Variants in WDR41 observed in about 807,000 individuals in gnomAD.
WDR41 encodes the protein WD repeat domain 41, also known as WD repeat-containing protein 41.
A neutral mutation model predicts 69.3 loss-of-function variants in WDR41; 63 were observed. The ratio of observed to expected loss-of-function variants is 0.91; its 90% confidence interval spans 0.74 to 1.12. The LOEUF is 1.12. Ranked by LOEUF, WDR41 falls within the 50% of genes most tolerant of loss-of-function variation. The pLI is 0.00. For missense variants in WDR41, 543 were observed against 534.5 expected (o/e 1.02, Z -0.16); for synonymous variants, 185 against 192.1 (o/e 0.96, Z 0.31).
chr5:77,501,140 A>G lies in WDR41; in HGVS notation c.43-11568T>C, dbSNP rs180725499. The stretch of plus-strand genomic sequence containing the variant: ...TCCTAGCCAAGGGAAGCCGTGACAG[A>G]CTGTACCTGGAAAAACAGGACACTT... On this transcript the variant is annotated intron_variant, in intron 1 of 5. Transcript: ENST00000509971. Among the ~76,000 whole-genome samples, 425 of 152,374 alleles carry G rather than the reference A, an allele frequency of 2.8e-3. 4 individuals are homozygous for G. The highest frequency in any genetic ancestry group is 1.0e-2 in the African/African-American group (415 of 41,592).
chr5:77,517,045 AAAAAT>A (rs1802301236), intron 1 of WDR41, among the ~76,000 whole-genome samples: 1 of 152,022 alleles, frequency 6.6e-6, no homozygotes, highest in Non-Finnish European at 1.5e-5. Context: ...AAGAAAAAGA[AAAAAT>A]AAAATAAAAG....
intron 1 of WDR41, among the ~76,000 whole-genome samples, chr5:77,600,009 C>T (rs747658919): frequency 1.3e-5 from 2 of 152,246 alleles, no homozygotes; most frequent in East Asian, 1.9e-4. Flanking sequence ...CATTCTCTTG[C>T]GGATCATGGC....
chr5:77,457,391 T>C (rs1490989925), intron 5 of WDR41, among the ~76,000 whole-genome samples: 2 of 152,176 alleles, frequency 1.3e-5, no homozygotes, highest in East Asian at 1.9e-4. Flanking sequence ...GAAATATAAA[T>C]TTTAGTATAT....
intron 1 of WDR41, among the ~76,000 whole-genome samples, chr5:77,590,406 G>A (rs1455506623): frequency 2.0e-5 from 3 of 152,174 alleles, no homozygotes; most frequent in South Asian, 2.1e-4. Flanking sequence ...ACGCCCAGAA[G>A]GAGGGATACA....
chr5:77,574,505 G>A (rs1743793057), intron 1 of WDR41, among the ~76,000 whole-genome samples: 1 of 151,922 alleles, frequency 6.6e-6, no homozygotes, highest in South Asian at 2.1e-4. Context: ...CACTATGTAG[G>A]TTTTTTATGT....
chr5:77,489,341 A>G, intron 2 of WDR41, 116 bp downstream of exon 2: 1 of 532,882 alleles, frequency 1.9e-6, no homozygotes. Flanking sequence ...AATGTTACTA[A>G]TGATCACAGT....
intron 1 of WDR41, among the ~76,000 whole-genome samples, chr5:77,515,987 C>A (rs1172237194): frequency 6.6e-6 from 1 of 152,116 alleles, no homozygotes; most frequent in Non-Finnish European, 1.5e-5. Flanking sequence ...GTGCATGTAA[C>A]ATTTTAGTAT....
intron 1 of WDR41, among the ~76,000 whole-genome samples, chr5:77,497,862 A>G (rs1801957763): frequency 6.6e-6 from 1 of 152,258 alleles, no homozygotes; most frequent in African/African-American, 2.4e-5. Flanking sequence ...TCCACAGATG[A>G]ATGGATAAAT....
chr5:77,618,073 A>C (rs1406185991), intron 1 of WDR41, among the ~76,000 whole-genome samples: 2 of 152,236 alleles, frequency 1.3e-5, no homozygotes, highest in African/African-American at 4.8e-5. Context: ...AAAAGACTTA[A>C]CATTGTTCCA....
intron 1 of WDR41, among the ~76,000 whole-genome samples, chr5:77,580,971 A>T (rs1743929793): frequency 6.6e-6 from 1 of 151,706 alleles, no homozygotes; most frequent in African/African-American, 2.4e-5. Flanking sequence ...TAAATAAATA[A>T]ATAATAAAAT....
Position 77,453,942 on chromosome 5 carries a change from T to C in WDR41, c.412-14A>G, listed in dbSNP as rs200647978. The C allele has an allele frequency of 6.3e-7, 1 of 1,587,630 alleles. No homozygotes were observed. The highest frequency in any genetic ancestry group is 2.2e-5 in the East Asian group (1 of 44,724). On this transcript the variant is annotated splice_polypyrimidine_tract_variant and intron_variant, in intron 5 of 12. Coordinates refer to ENST00000296679, the MANE Select transcript of WDR41 (RefSeq NM_018268.4). The stretch of plus-strand genomic sequence containing the variant: ...AACAGTTAAACACTGCAAAATTTAT[T>C]TGAAATGTATATCAGGTTAGAAACT...
chr5:77,564,555 T>A (rs932374585), intron 1 of WDR41, among the ~76,000 whole-genome samples: 24 of 152,202 alleles, frequency 1.6e-4, no homozygotes, highest in Admixed American at 1.1e-3. Flanking sequence ...CTAAATGACC[T>A]AACTTCTTTG....
At chr5:77,510,708 C>G (rs1269098247) in intron 1 of WDR41, among the ~76,000 whole-genome samples, 3 of 151,160 alleles carry the variant, frequency 2.0e-5, no homozygotes, top group Non-Finnish European at 4.4e-5. Context: ...CATGGTTATA[C>G]TGCCTGTTGA....
intron 1 of WDR41, among the ~76,000 whole-genome samples, chr5:77,562,070 A>C (rs1313004842): frequency 6.6e-6 from 1 of 152,166 alleles, no homozygotes; most frequent in Non-Finnish European, 1.5e-5. Context: ...CCCTGTATCC[A>C]ATGTGTTTTG....
chr5:77,566,350 G>T (rs571166827), intron 1 of WDR41, among the ~76,000 whole-genome samples: 1 of 152,050 alleles, frequency 6.6e-6, no homozygotes, highest in Non-Finnish European at 1.5e-5. Flanking sequence ...CCTGTATGTC[G>T]TTTAGGTCTC....
rs1468663466 is a variant in WDR41 at position 77,431,795 on chromosome 5, T to C, written c.*1340A>G. The C allele has an allele frequency of 6.6e-6, 1 of 152,226 alleles. No individual in the cohort carries two copies. Among genetic ancestry groups the C allele is most frequent in the African/African-American group, 2.4e-5 (1 of 41,460 alleles). The allele number at this position is 152,226 out of a possible 1,614,324, so 9.4% of individuals were successfully genotyped here. On this transcript the variant is annotated 3_prime_UTR_variant, in exon 13 of 13. Coordinates refer to ENST00000296679, the MANE Select transcript of WDR41 (RefSeq NM_018268.4). ...ACGTGAATAATGGGAGAAAGTCTTC[T>C]GTAATTGAGGTAGCTTAAGTTTTAA... is the stretch of plus-strand genomic sequence containing the variant.
At chr5:77,617,240 T>C (rs1744695094) in intron 1 of WDR41, among the ~76,000 whole-genome samples, 1 of 152,236 alleles carries the variant, frequency 6.6e-6, no homozygotes, top group Non-Finnish European at 1.5e-5. Flanking sequence ...TTTATCTAAC[T>C]TAAATTTAAA....
intron 1 of WDR41, among the ~76,000 whole-genome samples, chr5:77,605,509 G>A (rs781768122): frequency 1.3e-5 from 2 of 152,214 alleles, no homozygotes; most frequent in Non-Finnish European, 2.9e-5. Flanking sequence ...AGTCTTGTGA[G>A]AGGCTTTGCT....
upstream of WDR41, among the ~76,000 whole-genome samples, chr5:77,492,755 G>T (rs1303047955): frequency 6.6e-6 from 1 of 152,056 alleles, no homozygotes; most frequent in Non-Finnish European, 1.5e-5. Context: ...AAATCCAGTG[G>T]CTCATGTGTA....
Sources: gnomAD v4.1 joint callset for allele counts (sites outside exome capture counted in the v4.1 genomes callset) on GRCh38, gnomAD v4.1.1 for gene constraint, MANE v1.5 for transcripts, NCBI Gene and HGNC (gene_info 2026-07-23, HGNC 2026-07-21) for gene names.